SLC15A2: variants seen among roughly 807,000 people sequenced by gnomAD.
SLC15A2 encodes kidney H(+)/peptide cotransporter.
Under a neutral mutation model 95.5 loss-of-function variants are expected in SLC15A2, and 77 were observed. The ratio of observed to expected loss-of-function variants is 0.81; its 90% CI spans 0.67 to 0.97. The LOEUF (loss-of-function observed/expected upper bound fraction) is 0.97, where lower values mean the gene tolerates loss of function less well. Among genes scored for constraint, SLC15A2 ranks in the 50% least tolerant of loss-of-function variants. The probability of loss-of-function intolerance (pLI) is 0.00; values close to 1 mark genes in which losing one functional copy is unlikely to be tolerated. For synonymous variants in SLC15A2, 306 were observed against 306.9 expected (o/e 1.00, Z 0.03); for missense variants, 893 against 874.4 (o/e 1.02, Z -0.27).
chr3:121,936,048 T>G (rs1392496586), intron 19 of SLC15A2, among the ~76,000 whole-genome samples: 3 of 152,186 alleles, frequency 2.0e-5, no homozygotes, highest in Admixed American at 6.5e-5. Context: ...GGAGCAGGTT[T>G]TTCAGTTTCC....
intron 7 of SLC15A2, 41 bp downstream of exon 7, chr3:121,915,734 C>A (rs1354704393): frequency 1.4e-6 from 2 of 1,395,436 alleles, no homozygotes; most frequent in African/African-American, 1.4e-5. Context: ...ATCATTGATA[C>A]CTGACACATG....
chr3:121,915,832 C>A, intron 7 of SLC15A2, 139 bp downstream of exon 7: 2 of 571,098 alleles, frequency 3.5e-6, no homozygotes, highest in East Asian at 2.8e-5. Context: ...AAGGGTTTCC[C>A]CTCAATTTTG....
At chr3:121,901,083 A>G (rs1709511213) in intron 3 of SLC15A2, among the ~76,000 whole-genome samples, 1 of 151,890 alleles carries the variant, frequency 6.6e-6, no homozygotes, top group Non-Finnish European at 1.5e-5. Flanking sequence ...CAGTGATGCA[A>G]TCTCGGCTCA....
At chr3:121,931,053 T>G (rs951908222) in intron 18 of SLC15A2, 103 bp downstream of exon 18, 1 of 714,602 alleles carries the variant, frequency 1.4e-6, no homozygotes. Context: ...TGGTCTAATT[T>G]TGAGTATAGA....
At chr3:121,904,010 T>A (rs893952906) in intron 3 of SLC15A2, among the ~76,000 whole-genome samples, 1 of 152,224 alleles carries the variant, frequency 6.6e-6, no homozygotes, top group African/African-American at 2.4e-5. Context: ...TTTGTTTGTA[T>A]CCTCTTTTAT....
At chr3:121,896,964 AC>A (rs563033872) in intron 2 of SLC15A2, among the ~76,000 whole-genome samples, 10 of 148,372 alleles carry the variant, frequency 6.7e-5, no homozygotes, top group Non-Finnish European at 1.3e-4. Flanking sequence ...CATTTTTCAT[AC>A]CTGTTCCTCA....
chr3:121,931,589 G>A (rs748948393), intron 18 of SLC15A2, 50 bp from the exon 19 acceptor site: 1 of 1,213,470 alleles, frequency 8.2e-7, no homozygotes, highest in Non-Finnish European at 1.2e-6. Context: ...AGATGGGAAT[G>A]CTTTTCCAAG....
At chr3:121,901,743 T>C (rs1394894021) in intron 3 of SLC15A2, among the ~76,000 whole-genome samples, 1 of 152,204 alleles carries the variant, frequency 6.6e-6, no homozygotes, top group African/African-American at 2.4e-5. Context: ...TTTGAACCTG[T>C]AGCCTATTTT....
rs75687062 is a variant in SLC15A2, at chr3:121,921,651, T to C, written c.698-569T>C. 3.7e-3 allele frequency among the ~76,000 whole-genome samples: 556 copies of C among 152,240 alleles called. 5 individuals carry two copies. The highest frequency in any genetic ancestry group is 0.013 in the African/African-American group (531 of 41,506). Reference sequence around the variant, plus strand: ...TTTCATGCCAGGAGTTTGGGTCAGGTAAGTATTAATAGATCCTGGAAAGAA... The same window carrying C: ...TTTCATGCCAGGAGTTTGGGTCAGGCAAGTATTAATAGATCCTGGAAAGAA... On this transcript the variant is annotated intron_variant, in intron 7 of 21. Transcript: ENST00000489711.
chr3:121,940,035 A>G (rs1710430033), intron 20 of SLC15A2, among the ~76,000 whole-genome samples: 2 of 152,004 alleles, frequency 1.3e-5, no homozygotes, highest in African/African-American at 4.8e-5. Flanking sequence ...CTAACTCCTG[A>G]CCTTGGATGA....
At chr3:121,895,697 T>C (rs1709402742) in intron 1 of SLC15A2, among the ~76,000 whole-genome samples, 1 of 152,248 alleles carries the variant, frequency 6.6e-6, no homozygotes, top group Admixed American at 6.5e-5. Context: ...AAACATAACA[T>C]TCCTTATATT....
Position 121,915,268 on chromosome 3 carries a change from C to A in SLC15A2, c.570C>A (p.Ser190=). The A allele has an allele frequency of 1.2e-6, 2 of 1,613,852 alleles. No individual in the cohort carries two copies. Among genetic ancestry groups the A allele is most frequent in the Non-Finnish European group, 8.5e-7 (1 of 1,179,838 alleles). Reference sequence around the variant, plus strand: ...GATACTTCTCAGTCTTCTACCTGTCCATCAATGCAGGGAGCTTGATTTCTA... The same window carrying A: ...GATACTTCTCAGTCTTCTACCTGTCAATCAATGCAGGGAGCTTGATTTCTA... ...RTRYFSVFYL[S]INAGSLISTF... Residue 190 remains serine, a synonymous_variant, in exon 6 of 22, where the codon TCC becomes TCA. Coordinates refer to ENST00000489711, the MANE Select transcript of SLC15A2 (RefSeq NM_021082.4).
At chr3:121,914,575 C>CA (rs1182616210) in intron 5 of SLC15A2, among the ~76,000 whole-genome samples, 1 of 152,208 alleles carries the variant, frequency 6.6e-6, no homozygotes, top group Non-Finnish European at 1.5e-5. Context: ...ACTCCTACCA[C>CA]AAAATCTATT....
chr3:121,906,839 G>T (rs1425586898), intron 3 of SLC15A2, among the ~76,000 whole-genome samples: 1 of 152,044 alleles, frequency 6.6e-6, no homozygotes, highest in Non-Finnish European at 1.5e-5. Flanking sequence ...TATGTGTCTT[G>T]GGGTTGCCCT....
intron 1 of SLC15A2, 37 bp from the exon 2 acceptor site, chr3:121,896,369 C>T (rs1212455238): frequency 2.7e-6 from 4 of 1,504,156 alleles, no homozygotes; most frequent in African/African-American, 2.7e-5. Context: ...CAGGGAAAAA[C>T]AGCTCATGCT....
At chr3:121,903,925 A>G (rs368012583) in intron 3 of SLC15A2, among the ~76,000 whole-genome samples, 2 of 152,306 alleles carry the variant, frequency 1.3e-5, no homozygotes, top group East Asian at 3.9e-4. Flanking sequence ...CATTGAATCT[A>G]TAAATTACCT....
chr3:121,894,842 G>A (rs1709388010), intron 1 of SLC15A2, among the ~76,000 whole-genome samples: 1 of 152,152 alleles, frequency 6.6e-6, no homozygotes, highest in Non-Finnish European at 1.5e-5. Context: ...TTTCCCTGGG[G>A]GAAAAAAGCA....
chr3:121,905,613 A>C (rs1576671653), intron 3 of SLC15A2, among the ~76,000 whole-genome samples: 1 of 152,220 alleles, frequency 6.6e-6, no homozygotes, highest in Non-Finnish European at 1.5e-5. Context: ...TTTACCCAGT[A>C]GTCATTCAGG....
At chr3:121,912,961 T>C (rs1709803595) in intron 4 of SLC15A2, 60 bp from the exon 5 acceptor site, 1 of 1,194,354 alleles carries the variant, frequency 8.4e-7, no homozygotes, top group Non-Finnish European at 1.2e-6. Context: ...AGCTCTGTAG[T>C]CCATCTCTAC....
Sources: allele counts gnomAD v4.1 joint callset (sites outside exome capture counted in the v4.1 genomes callset), GRCh38; gene constraint gnomAD v4.1.1; transcripts MANE v1.5; gene names NCBI Gene and HGNC (gene_info 2026-07-23, HGNC 2026-07-21).